Variants in CPN1 observed in about 807,000 individuals in gnomAD.
CPN1 encodes the protein carboxypeptidase N subunit 1, also known as carboxypeptidase N catalytic chain.
Under a neutral mutation model 46.4 loss-of-function variants are expected in CPN1, and 37 were observed. The ratio of observed to expected loss-of-function variants is 0.80; its 90% CI spans 0.61 to 1.05. The LOEUF (loss-of-function observed/expected upper bound fraction) is 1.05, where lower values mean the gene tolerates loss of function less well. CPN1 is among the 50% of genes least tolerant of loss of function. The pLI, the probability that CPN1 is intolerant of heterozygous loss-of-function variation, is 0.00. For synonymous variants in CPN1, 224 were observed against 235.4 expected (o/e 0.95, Z 0.44); for missense variants, 563 against 602.6 (o/e 0.93, Z 0.69).
intron 8 of CPN1, among the ~76,000 whole-genome samples, chr10:100,046,919 C>CA (rs1157742784): frequency 6.6e-6 from 1 of 151,930 alleles, no homozygotes; most frequent in Non-Finnish European, 1.5e-5. Context: ...ACTAAAAATA[C>CA]AAAAAATAGC....
At chr10:100,054,652 C>T (rs1589472487) in intron 6 of CPN1, among the ~76,000 whole-genome samples, 1 of 152,098 alleles carries the variant, frequency 6.6e-6, no homozygotes, top group Admixed American at 6.6e-5. Flanking sequence ...CCTGTTAAAG[C>T]CTGACTCAAA....
At chr10:100,070,528 T>C (rs757263327) in intron 2 of CPN1, among the ~76,000 whole-genome samples, 2 of 152,154 alleles carry the variant, frequency 1.3e-5, no homozygotes, top group Non-Finnish European at 2.9e-5. Flanking sequence ...CAAGAGCTAC[T>C]ACATGCAGCC....
intron 2 of CPN1, among the ~76,000 whole-genome samples, chr10:100,071,685 G>T (rs1321278550): frequency 1.3e-5 from 2 of 152,126 alleles, no homozygotes; most frequent in African/African-American, 2.4e-5. Flanking sequence ...CATCTGTACT[G>T]AATATGTACA....
intron 3 of CPN1, among the ~76,000 whole-genome samples, chr10:100,069,231 C>T (rs965328907): frequency 6.6e-6 from 1 of 152,230 alleles, no homozygotes; most frequent in Non-Finnish European, 1.5e-5. Context: ...CGCCTGTAAT[C>T]CCAGCACTTT....
chr10:100,048,930 A>C, intron 7 of CPN1, 54 bp from the exon 8 acceptor site: 2 of 1,387,160 alleles, frequency 1.4e-6, no homozygotes, highest in Non-Finnish European at 2.0e-6. Context: ...TGTCCCAAAT[A>C]AGCTAGGGTT....
intron 4 of CPN1, among the ~76,000 whole-genome samples, chr10:100,064,465 C>T (rs1298147842): frequency 6.6e-6 from 1 of 151,194 alleles, no homozygotes; most frequent in Non-Finnish European, 1.5e-5. Context: ...ACTGCAACCT[C>T]CGCCTCCCAG....
At chr10:100,049,562 C>T (rs183257533) in intron 7 of CPN1, among the ~76,000 whole-genome samples, 22 of 152,192 alleles carry the variant, frequency 1.4e-4, no homozygotes, top group African/African-American at 4.3e-4. Flanking sequence ...CGAGCCCGGC[C>T]GTCTTTTCTT....
chr10:100,075,935 G>T lies in CPN1; in HGVS notation c.396C>A (p.Asp132Glu). The change falls in exon 2 of 9, where the codon GAC becomes GAA. Residue 132 changes from aspartate (D) to glutamate (E), a missense_variant. Asp to Glu is a conservative substitution (Grantham distance 45, BLOSUM62 2). Coordinates refer to ENST00000370418, the MANE Select transcript of CPN1 (RefSeq NM_001308.3). ...CCTGGGCAGCAGCCACCTCGTAGCC[G>T]TCGGGGTTCATGGATGGCAGGATGT... ...RIHILPSMNP[D>E]GYEVAAAQGP... 1 of 1,614,106 alleles carries T rather than the reference G, an allele frequency of 6.2e-7. No individual in the cohort carries two copies. The highest frequency in any genetic ancestry group is 8.5e-7 in the Non-Finnish European group (1 of 1,180,036).
chr10:100,072,059 G>A (rs1172647336), intron 2 of CPN1, among the ~76,000 whole-genome samples: 1 of 152,170 alleles, frequency 6.6e-6, no homozygotes, highest in African/African-American at 2.4e-5. Context: ...ATGCTGCTTT[G>A]AACATCCACG....
intron 4 of CPN1, among the ~76,000 whole-genome samples, chr10:100,064,178 G>A (rs939547753): frequency 1.3e-5 from 2 of 151,828 alleles, no homozygotes; most frequent in African/African-American, 2.4e-5. Context: ...ATATTTAGGG[G>A]GTGAGAGTCG....
At chr10:100,042,612 A>G (rs781288257) in intron 8 of CPN1, 39 bp from the exon 9 acceptor site, 1 of 1,612,976 alleles carries the variant, frequency 6.2e-7, no homozygotes, top group Non-Finnish European at 8.5e-7. Flanking sequence ...ATCCGTTTGG[A>G]CCATCTTTTG....
chr10:100,072,957 T>C (rs1400293388), intron 2 of CPN1, among the ~76,000 whole-genome samples: 2 of 152,162 alleles, frequency 1.3e-5, no homozygotes, highest in African/African-American at 2.4e-5. Flanking sequence ...GAGCCCAAAT[T>C]GTTGGCTGTT....
Position 100,048,793 on chromosome 10 carries a change from C to A in CPN1, c.1195G>T (p.Val399Leu). The part of the protein sequence containing the change: ...ATAPGYDPET[V>L]TVTVGPAEPT... The stretch of plus-strand genomic sequence containing the variant: ...TCCGCAGGACCCACGGTCACAGTTA[C>A]TGTCTCTGGGTCATACCCAGGTGCT... The change falls in exon 8 of 9, where the codon GTA (valine) becomes TTA (leucine). Residue 399 changes from valine (V) to leucine (L), a missense_variant. Transcript: ENST00000370418. 6.2e-7 allele frequency: 1 copy of A among 1,613,676 alleles called. No homozygotes were observed. Among genetic ancestry groups the A allele is most frequent in the South Asian group, 1.1e-5 (1 of 91,078 alleles).
intron 8 of CPN1, among the ~76,000 whole-genome samples, chr10:100,044,011 C>T (rs2041294194): frequency 6.6e-6 from 1 of 152,082 alleles, no homozygotes; most frequent in South Asian, 2.1e-4. Context: ...AACCACACTC[C>T]TCTGGGGCAG....
chr10:100,048,736 C>G (rs368369722), intron 8 of CPN1, 22 bp downstream of exon 8: 1 of 1,517,590 alleles, frequency 6.6e-7, no homozygotes, highest in African/African-American at 1.4e-5. Context: ...TACAGTGCAC[C>G]GTCAAGCTCA....
chr10:100,055,479 T>C (rs891360751), intron 6 of CPN1, among the ~76,000 whole-genome samples: 3 of 152,152 alleles, frequency 2.0e-5, no homozygotes, highest in South Asian at 2.1e-4. Context: ...TAATTTCACT[T>C]GGCATAATGT....
intron 5 of CPN1, among the ~76,000 whole-genome samples, chr10:100,057,623 C>T (rs998678234): frequency 5.9e-5 from 9 of 151,980 alleles, no homozygotes; most frequent in Admixed American, 5.2e-4. Flanking sequence ...GGCGGGTAGG[C>T]CTAGTACTGT....
At chr10:100,057,246 TTTTA>T in intron 5 of CPN1, 94 bp from the exon 6 acceptor site, 1 of 1,431,316 alleles carries the variant, frequency 7.0e-7, no homozygotes, top group Non-Finnish European at 9.5e-7. Context: ...AATTTTCTGT[TTTTA>T]TTTATTTGGG....
chr10:100,060,799 G>A (rs1216885107), intron 5 of CPN1, among the ~76,000 whole-genome samples: 3 of 152,172 alleles, frequency 2.0e-5, no homozygotes, highest in Admixed American at 2.0e-4. Context: ...ATGTTGAAGA[G>A]TTATCTGCGC....
Sources: allele counts gnomAD v4.1 joint callset (sites outside exome capture counted in the v4.1 genomes callset), GRCh38; gene constraint gnomAD v4.1.1; transcripts MANE v1.5; gene names NCBI Gene and HGNC (gene_info 2026-07-23, HGNC 2026-07-21).